The following SSUH2 variants were observed in gnomAD, a reference collection of about 807,000 sequenced individuals.
SSUH2 encodes the protein ssu-2 homolog.
SSUH2 carries 47 observed loss-of-function variants against 55.3 expected under a neutral mutation model. The ratio of observed to expected loss-of-function variants is 0.85; its 90% CI spans 0.67 to 1.08. The LOEUF (loss-of-function observed/expected upper bound fraction) is 1.08, where lower values mean the gene tolerates loss of function less well. Among genes scored for constraint, SSUH2 ranks in the 50% least tolerant of loss-of-function variants. The pLI, the probability that SSUH2 is intolerant of heterozygous loss-of-function variation, is 0.00. For missense variants in SSUH2, 535 were observed against 490.7 expected (o/e 1.09, Z -0.85); for synonymous variants, 212 against 191.5 (o/e 1.11, Z -0.89).
At position 8,635,831 on chromosome 3, in the gene SSUH2, C is replaced by A. The variant is rs1011957176; in HGVS notation, c.55G>T (p.Glu19Ter). ...TCTGTGGGGGGCGCCAGAGGACTCTCGGCCTCAAAACTGAGGTCCACCACA... is the reference window on the plus strand; with the variant it reads ...TCTGTGGGGGGCGCCAGAGGACTCTAGGCCTCAAAACTGAGGTCCACCACA... ...DSVVDLSFEA[E>*]SPLAPPTELL... Residue 19 changes from glutamate (E) to a stop codon, truncating the protein, a stop_gained, in exon 2 of 12, where the codon GAG (glutamate) becomes TAG (stop). Transcript: ENST00000544814. LOFTEE classifies it high-confidence loss of function. The A allele has an allele frequency of 2.6e-6, 4 of 1,535,898 alleles. No homozygotes were observed. In the African/African-American group the frequency reaches 5.5e-5, roughly 21 times the overall value.
At chr3:8,645,074 A>T (rs1345918274), upstream of SSUH2, among the ~76,000 whole-genome samples, 7 of 152,174 alleles carry the variant, frequency 4.6e-5, no homozygotes, top group Non-Finnish European at 8.8e-5. Flanking sequence ...AGGATGATAG[A>T]TTCAAACCCT....
intron 7 of SSUH2, among the ~76,000 whole-genome samples, chr3:8,653,731 A>G (rs747408599): frequency 7.9e-5 from 12 of 152,268 alleles, no homozygotes; most frequent in African/African-American, 2.9e-4. Flanking sequence ...TTACTGAATT[A>G]TAACACAAAT....
At chr3:8,643,036 T>C (rs1353314474) in intron 1 of SSUH2, among the ~76,000 whole-genome samples, 4 of 152,164 alleles carry the variant, frequency 2.6e-5, no homozygotes, top group Admixed American at 2.0e-4. Context: ...TTCTCTCACC[T>C]TGCTCACCAA....
At chr3:8,642,626 T>C (rs758004232) in intron 1 of SSUH2, among the ~76,000 whole-genome samples, 27 of 152,220 alleles carry the variant, frequency 1.8e-4, no homozygotes, top group Non-Finnish European at 2.9e-4. Flanking sequence ...TCCCAGAACG[T>C]TCCTATCCAT....
chr3:8,641,036 A>C (rs1020187085), intron 1 of SSUH2, among the ~76,000 whole-genome samples: 5 of 152,068 alleles, frequency 3.3e-5, no homozygotes, highest in Non-Finnish European at 7.4e-5. Context: ...ACTCACCCTC[A>C]CACACCCTGT....
chr3:8,657,894 T>C (rs1272730768), intron 7 of SSUH2, among the ~76,000 whole-genome samples: 1 of 152,246 alleles, frequency 6.6e-6, no homozygotes, highest in Non-Finnish European at 1.5e-5. Flanking sequence ...GCAGTGGGGC[T>C]GTCCCAGTCT....
At chr3:8,667,026 C>T (rs1372071697) in intron 5 of SSUH2, among the ~76,000 whole-genome samples, 1 of 152,172 alleles carries the variant, frequency 6.6e-6, no homozygotes, top group Non-Finnish European at 1.5e-5. Flanking sequence ...TGGGAGTCCA[C>T]GCACGTTCTC....
rs1276125964 is a variant in SSUH2 at position 8,619,572 on chromosome 3, G to A, written c.*296C>T. 1.7e-5 allele frequency: 5 copies of A among 297,784 alleles called. No homozygotes were observed. Among genetic ancestry groups the A allele is most frequent in the Non-Finnish European group, 3.1e-5 (5 of 162,524 alleles). The allele number at this position is 297,784 out of a possible 1,614,324, so 18.4% of individuals were successfully genotyped here. ...AAAATCAAATCACACGCATCATCGG[G>A]GCATTAACTTGGAGACCAGAGGCAA... On this transcript the variant is annotated 3_prime_UTR_variant, in exon 12 of 12. Coordinates refer to ENST00000544814, the MANE Select transcript of SSUH2 (RefSeq NM_001256748.3).
chr3:8,636,160 C>A (rs1322417951), intron 1 of SSUH2, among the ~76,000 whole-genome samples: 1 of 152,190 alleles, frequency 6.6e-6, no homozygotes, highest in Non-Finnish European at 1.5e-5. Context: ...GCCACATATT[C>A]TTTGATGCTT....
chr3:8,623,049 G>A lies in SSUH2; in HGVS notation c.981+500C>T, dbSNP rs9821853. Among the ~76,000 whole-genome samples the A allele has an allele frequency of 2.3e-3, 343 of 152,254 alleles. 1 individual carries two copies. The highest frequency in any genetic ancestry group is 3.8e-3 in the Admixed American group (58 of 15,298). Reference sequence around the variant, plus strand: ...GCTGGCTGCAGCAGCAGCAGAAGGGGCTACTCAGGGCTGCTCCTGGGGATG... The same window carrying A: ...GCTGGCTGCAGCAGCAGCAGAAGGGACTACTCAGGGCTGCTCCTGGGGATG... On this transcript the variant is annotated intron_variant, in intron 11 of 11. Coordinates refer to ENST00000544814, the MANE Select transcript of SSUH2 (RefSeq NM_001256748.3).
chr3:8,662,383 G>A (rs1703581371), intron 6 of SSUH2, among the ~76,000 whole-genome samples: 1 of 152,150 alleles, frequency 6.6e-6, no homozygotes. Flanking sequence ...TCAGAGCCCT[G>A]ACCTGGTCCC....
At chr3:8,679,420 CT>C (rs1181988494) in intron 2 of SSUH2, among the ~76,000 whole-genome samples, 12 of 140,278 alleles carry the variant, frequency 8.6e-5, no homozygotes, top group African/African-American at 3.0e-4. Flanking sequence ...TCTTCCCCCC[CT>C]GGCTCTTAGG....
intron 2 of SSUH2, among the ~76,000 whole-genome samples, chr3:8,678,194 C>A (rs535577325): frequency 1.3e-5 from 2 of 152,134 alleles, no homozygotes; most frequent in Admixed American, 6.5e-5. Flanking sequence ...CATATCACCC[C>A]CTCCGCCTTG....
intron 3 of SSUH2, chr3:8,634,307 C>T: frequency 7.3e-6 from 8 of 1,098,136 alleles, no homozygotes; most frequent in South Asian, 2.9e-5. Flanking sequence ...GTGGGTGGGA[C>T]GACAGACAGG....
chr3:8,647,641 G>A (rs939833362), upstream of SSUH2, among the ~76,000 whole-genome samples: 5 of 152,162 alleles, frequency 3.3e-5, no homozygotes, highest in Non-Finnish European at 7.3e-5. Flanking sequence ...CCTGCTGGAC[G>A]AAGGTCTCAC....
chr3:8,664,952 T>C (rs942676403), intron 5 of SSUH2, among the ~76,000 whole-genome samples: 2 of 152,344 alleles, frequency 1.3e-5, no homozygotes, highest in African/African-American at 4.8e-5. Flanking sequence ...TTTAATTCTC[T>C]CTGGCATCTG....
At chr3:8,660,183 T>C (rs1210496506) in intron 6 of SSUH2, among the ~76,000 whole-genome samples, 1 of 152,104 alleles carries the variant, frequency 6.6e-6, no homozygotes. Flanking sequence ...CTAGTTGTAA[T>C]GCAGCCATTA....
At chr3:8,634,549 A>T (rs1424550620) in intron 3 of SSUH2, 1 of 1,289,632 alleles carries the variant, frequency 7.8e-7, no homozygotes, top group African/African-American at 1.5e-5. Flanking sequence ...TGGCACACAG[A>T]GGGGCCCGTC....
rs369013128 is a variant in SSUH2 at position 8,629,706 on chromosome 3, C to A, written c.546G>T (p.Gly182=). 29 of 1,614,044 alleles carry A rather than the reference C, an allele frequency of 1.8e-5. No homozygotes were observed. The highest frequency in any genetic ancestry group is 2.5e-5 in the Non-Finnish European group (29 of 1,180,028). Residue 182 remains glycine, a synonymous_variant, in exon 7 of 12, where the codon GGG becomes GGT. Transcript: ENST00000544814. ...SLVKECHKCH[G]RGRYKCSGCH... ...AGCCGCTGCACTTGTACCGCCCACGCCCATGGCATTTGTGGCATTCCTGAA... is the reference window on the plus strand; with the variant it reads ...AGCCGCTGCACTTGTACCGCCCACGACCATGGCATTTGTGGCATTCCTGAA...
Sources: allele counts gnomAD v4.1 joint callset (sites outside exome capture counted in the v4.1 genomes callset), GRCh38; gene constraint gnomAD v4.1.1; transcripts MANE v1.5; gene names NCBI Gene and HGNC (gene_info 2026-07-23, HGNC 2026-07-21).